Variants in PXDNL observed in about 807,000 individuals in gnomAD.
PXDNL encodes probable oxidoreductase PXDNL.
In PXDNL, 145 loss-of-function variants were observed where a neutral mutation model predicts 150.8. The observed-to-expected ratio is 0.96, with a 90% CI of 0.84 to 1.10. The LOEUF is 1.10. Among genes scored for constraint, PXDNL ranks in the 50% least tolerant of loss-of-function variants. PXDNL has a pLI of 0.00. For synonymous variants in PXDNL, 757 were observed against 725.7 expected, an observed-to-expected ratio of 1.04 and a Z score of -0.69; for missense variants, 2,087 against 1,873.9, an observed-to-expected ratio of 1.11 and a Z score of -2.10.
At chr8:51,645,593 T>G (rs1179095082) in intron 2 of PXDNL, among the ~76,000 whole-genome samples, 1 of 152,170 alleles carries the variant, frequency 6.6e-6, no homozygotes. Flanking sequence ...AGATCTGTAG[T>G]ACATTTAAAG....
In PXDNL at chr8:51,545,486, T is replaced by A. The variant is rs879572205; in HGVS notation, c.380+11354A>T. Among the ~76,000 whole-genome samples the A allele has an allele frequency of 2.6e-5, 4 of 152,044 alleles. No homozygotes were observed. In the East Asian group the frequency reaches 5.8e-4, roughly 22 times the overall value. On this transcript the variant is annotated intron_variant, in intron 4 of 22. Transcript: ENST00000356297. ...TGTTTTGTACTGCTCTTAAAAAAAA[T>A]ATCACAGACTGGGTAATTTATAATG...
intron 21 of PXDNL, among the ~76,000 whole-genome samples, chr8:51,326,413 G>A (rs1317817901): frequency 6.6e-6 from 1 of 152,110 alleles, no homozygotes; most frequent in African/African-American, 2.4e-5. Flanking sequence ...CACAAGAATC[G>A]CTTGAACCTG....
At chr8:51,792,209 C>T (rs1443163865) in intron 1 of PXDNL, among the ~76,000 whole-genome samples, 1 of 151,890 alleles carries the variant, frequency 6.6e-6, no homozygotes, top group African/African-American at 2.4e-5. Flanking sequence ...GCGAGTGAAT[C>T]CTGCACCACA....
intron 4 of PXDNL, among the ~76,000 whole-genome samples, chr8:51,518,803 C>G (rs1811598649): frequency 6.6e-6 from 1 of 152,038 alleles, no homozygotes. Flanking sequence ...ATGAGTCTGA[C>G]AGAGACACAA....
chr8:51,340,350 C>G (rs1805951034), intron 20 of PXDNL, among the ~76,000 whole-genome samples: 1 of 152,062 alleles, frequency 6.6e-6, no homozygotes, highest in Admixed American at 6.5e-5. Flanking sequence ...AAAACAGAAG[C>G]AAATAACTAA....
intron 22 of PXDNL, 46 bp downstream of exon 22, chr8:51,320,738 C>CGAG: frequency 7.7e-7 from 1 of 1,292,282 alleles, no homozygotes; most frequent in Non-Finnish European, 1.1e-6. Context: ...AACTGGCTGG[C>CGAG]TAGAAGTGAA....
intron 12 of PXDNL, among the ~76,000 whole-genome samples, chr8:51,427,669 A>C (rs905736376): frequency 6.6e-6 from 1 of 152,372 alleles, no homozygotes; most frequent in South Asian, 2.1e-4. Context: ...ATACATAAAA[A>C]GTGTTTGCCT....
At chr8:51,540,287 T>A (rs576738870) in intron 4 of PXDNL, among the ~76,000 whole-genome samples, 51 of 152,316 alleles carry the variant, frequency 3.3e-4, no homozygotes, top group African/African-American at 1.0e-3. Context: ...ATTCTCCATT[T>A]TTTGTCCTGA....
chr8:51,434,599 A>G (rs1358365855), intron 12 of PXDNL, among the ~76,000 whole-genome samples: 1 of 152,230 alleles, frequency 6.6e-6, no homozygotes, highest in Non-Finnish European at 1.5e-5. Context: ...ACCATGTAAC[A>G]AATGGTTCCA....
intron 21 of PXDNL, among the ~76,000 whole-genome samples, chr8:51,321,911 C>T (rs1044194388): frequency 4.6e-5 from 7 of 151,938 alleles, no homozygotes; most frequent in South Asian, 4.2e-4. Context: ...AAGTTGAAGC[C>T]GTAATCCCCA....
chr8:51,780,103 T>C (rs1585745017), intron 1 of PXDNL, among the ~76,000 whole-genome samples: 1 of 152,106 alleles, frequency 6.6e-6, no homozygotes, highest in East Asian at 1.9e-4. Flanking sequence ...CCCAAACTAC[T>C]GAGGAGGCTG....
intron 19 of PXDNL, among the ~76,000 whole-genome samples, chr8:51,350,354 CTT>C (rs1163628780): frequency 0.04 from 3,109 of 77,734 alleles, 151 homozygotes; most frequent in African/African-American, 0.15. Flanking sequence ...AATGCAGCTT[CTT>C]TTTTTTTTTT....
chr8:51,341,055 T>C (rs984207438), intron 20 of PXDNL, among the ~76,000 whole-genome samples: 1 of 152,222 alleles, frequency 6.6e-6, no homozygotes, highest in Admixed American at 6.5e-5. Context: ...TAGGACGGTA[T>C]TCACAATTTA....
chr8:51,665,752 A>G (rs1387817217), intron 1 of PXDNL, among the ~76,000 whole-genome samples: 1 of 152,228 alleles, frequency 6.6e-6, no homozygotes. Context: ...CTACAAGGAT[A>G]GCCAAGCTGG....
chr8:51,640,210 A>G (rs1320315571), intron 2 of PXDNL, among the ~76,000 whole-genome samples: 1 of 152,226 alleles, frequency 6.6e-6, no homozygotes, highest in African/African-American at 2.4e-5. Flanking sequence ...ATCTCAAAAT[A>G]ATAAGAGCTA....
At chr8:51,775,717 G>A (rs1042239073) in intron 1 of PXDNL, among the ~76,000 whole-genome samples, 12 of 152,156 alleles carry the variant, frequency 7.9e-5, no homozygotes, top group East Asian at 1.9e-4. Flanking sequence ...ATCTTCATAA[G>A]CTGAGGATGA....
intron 14 of PXDNL, among the ~76,000 whole-genome samples, chr8:51,421,886 G>A (rs927245167): frequency 2.6e-5 from 4 of 152,068 alleles, no homozygotes; most frequent in Non-Finnish European, 5.9e-5. Context: ...GAATAAATCC[G>A]TGCTCCTCAC....
intron 1 of PXDNL, among the ~76,000 whole-genome samples, chr8:51,735,542 T>TG (rs1563304298): frequency 4.1e-4 from 49 of 118,674 alleles, no homozygotes; most frequent in Middle Eastern, 4.0e-3. Flanking sequence ...TTTTTTTTTT[T>TG]TTTTTTTTTT....
rs146666119 is a variant in PXDNL at position 51,349,691 on chromosome 8, T to G, written c.3902-3744A>C. Among the ~76,000 whole-genome samples, 882 of 152,298 alleles carry G rather than the reference T, an allele frequency of 5.8e-3. 8 individuals are homozygous for G. The highest frequency in any genetic ancestry group is 0.01 in the Middle Eastern group (3 of 294). On this transcript the variant is annotated intron_variant, in intron 19 of 22. Coordinates refer to ENST00000356297, the MANE Select transcript of PXDNL (RefSeq NM_144651.5). ...AATATTGCAGTTCATTGGAGTGGAT[T>G]GACAGTCCGTGGTGAATAAACAAGG... is the stretch of plus-strand genomic sequence containing the variant.
Sources: gnomAD v4.1 joint callset for allele counts (sites outside exome capture counted in the v4.1 genomes callset) on GRCh38, gnomAD v4.1.1 for gene constraint, MANE v1.5 for transcripts, NCBI Gene and HGNC (gene_info 2026-07-23, HGNC 2026-07-21) for gene names.